SPTBN2: variants seen among roughly 807,000 people sequenced by gnomAD.
The protein encoded by SPTBN2 is spectrin beta, non-erythrocytic 2.
A neutral mutation model predicts 284.2 loss-of-function variants in SPTBN2; 107 were observed. The ratio of observed to expected loss-of-function variants is 0.38; its 90% CI spans 0.32 to 0.44. SPTBN2 has a LOEUF of 0.44. Among genes scored for constraint, SPTBN2 ranks in the 20% least tolerant of loss-of-function variants. The pLI, the probability that SPTBN2 is intolerant of heterozygous loss-of-function variation, is 1.00. For synonymous variants in SPTBN2, 1,289 were observed against 1,354.8 expected, an observed-to-expected ratio of 0.95 and a Z score of 1.07; for missense variants, 2,569 against 3,287.1, an observed-to-expected ratio of 0.78 and a Z score of 5.34.
At position 66,707,803 on chromosome 11, in the gene SPTBN2, C is replaced by G; in HGVS notation, c.1366G>C (p.Glu456Gln). The G allele has an allele frequency of 6.2e-7, 1 of 1,609,510 alleles. No homozygotes were observed. The highest frequency in any genetic ancestry group is 2.2e-5 in the East Asian group (1 of 44,872). Residue 456 changes from glutamate to glutamine, a missense_variant, in exon 13 of 38, where the codon GAG becomes CAG. Glu to Gln is a conservative substitution (Grantham distance 29). Coordinates refer to ENST00000533211, the MANE Select transcript of SPTBN2 (RefSeq NM_006946.4). This position sits in a 1 kb window ranked among gnomAD's most constrained non-coding sequence, Gnocchi z 4.9. ...ACTGCTGCCTCGACAGCTGCCAGCT[C>G]CAGCCCAAAGTTGTCCTGTGTCGGG... Reference protein sequence around the residue: ...RLVSQDNFGLELAAVEAAVRK... With the variant: ...RLVSQDNFGLQLAAVEAAVRK...
chr11:66,707,037 T>C lies in SPTBN2; in HGVS notation c.1653+479A>G, dbSNP rs1590952102. 4.6e-5 allele frequency among the ~76,000 whole-genome samples: 7 copies of C among 152,318 alleles called. 1 individual carries two copies. The South Asian group carries it at 1.5e-3, about 32-fold the overall frequency. ...CTGGCCGTGCCCTCCCAAATCTCAG[T>C]CCATGGCCCCCACTCCTCATGCTCA... On this transcript the variant is annotated intron_variant, in intron 13 of 37. Coordinates refer to ENST00000533211, the MANE Select transcript of SPTBN2 (RefSeq NM_006946.4). The surrounding 1 kb of genome is among the most constrained non-coding windows in gnomAD (Gnocchi z 4.9).
intron 8 of SPTBN2, chr11:66,712,724 A>T (rs1193281360): frequency 6.6e-6 from 1 of 152,036 alleles, no homozygotes; most frequent in Non-Finnish European, 1.5e-5. Context: ...AAAAATAGAG[A>T]TGGGTCTCGC....
At position 66,690,099 on chromosome 11, in the gene SPTBN2, C is replaced by T. The variant is rs778782856; in HGVS notation, c.5750G>A (p.Arg1917Gln). The change falls in exon 28 of 38, where the codon CGG becomes CAG. Residue 1917 changes from arginine (R) to glutamine (Q), a missense_variant. Physicochemically the swap from Arg to Gln is conservative, Grantham distance 43 (BLOSUM62 1). Coordinates refer to ENST00000533211, the MANE Select transcript of SPTBN2 (RefSeq NM_006946.4). ...TDKFRFFKAV[R>Q]ELMLWMDEVN... ...CTCATCCATCCAGAGCATCAGTTCC[C>T]GGACAGCCTTGAAGAAGCGGAACTT... is the stretch of plus-strand genomic sequence containing the variant. 9.9e-6 allele frequency: 16 copies of T among 1,614,146 alleles called. No individual in the cohort carries two copies. The highest frequency in any genetic ancestry group is 2.2e-5 in the East Asian group (1 of 44,898).
At chr11:66,734,456 C>T (rs913849537) in intron 1 of SPTBN2, among the ~76,000 whole-genome samples, 1 of 152,190 alleles carries the variant, frequency 6.6e-6, no homozygotes, top group Admixed American at 6.5e-5. Context: ...TGTGTCCTCA[C>T]CATAAGGAAC....
intron 20 of SPTBN2, among the ~76,000 whole-genome samples, chr11:66,697,584 A>C (rs1298080695): frequency 6.6e-6 from 1 of 152,120 alleles, no homozygotes; most frequent in East Asian, 1.9e-4. Flanking sequence ...CTCTACCTGG[A>C]AACATCTTTT....
At chr11:66,703,206 A>G (rs1489490595) in intron 15 of SPTBN2, among the ~76,000 whole-genome samples, 1 of 151,448 alleles carries the variant, frequency 6.6e-6, no homozygotes, top group African/African-American at 2.4e-5. Context: ...CAGCCTCCCC[A>G]GTAGCTGGGA....
rs1941837700 is a variant in SPTBN2, at chr11:66,711,103, G to A, written c.773-74C>T. ...ACTTGCATCACTTACCCCAAACCCT[G>A]GGCCTGCCCAGTCCTCCAAGGCTGA... On this transcript the variant is annotated intron_variant, in intron 8 of 37. Coordinates refer to ENST00000533211, the MANE Select transcript of SPTBN2 (RefSeq NM_006946.4). The A allele has an allele frequency of 2.5e-5, 31 of 1,246,106 alleles. No homozygotes were observed. The South Asian group carries it at 3.3e-4, about 13-fold the overall frequency. The allele number at this position is 1,246,106 out of a possible 1,614,324, so 77.2% of individuals were successfully genotyped here.
Position 66,692,654 on chromosome 11 carries a change from T to C in SPTBN2, c.5072A>G (p.Gln1691Arg). ...GAGCTGGCACAGCCGGAGGTGCTCCTGCAGGCGCTCCCGCCGCTCTCCAGC... is the reference window on the plus strand; with the variant it reads ...GAGCTGGCACAGCCGGAGGTGCTCCCGCAGGCGCTCCCGCCGCTCTCCAGC... The part of the protein sequence containing the change: ...ELAGERRERL[Q>R]EHLRLCQLRR... The change falls in exon 26 of 38, where the codon CAG becomes CGG. Residue 1691 changes from glutamine to arginine, a missense_variant. By Grantham distance (43) the Gln-to-Arg change is conservative. Transcript: ENST00000533211. 2 of 1,604,672 alleles carry C rather than the reference T, an allele frequency of 1.2e-6. No individual in the cohort carries two copies. The highest frequency in any genetic ancestry group is 1.7e-6 in the Non-Finnish European group (2 of 1,179,906).
chr11:66,714,006 C>T, intron 7 of SPTBN2, 85 bp downstream of exon 7: 1 of 1,367,914 alleles, frequency 7.3e-7, no homozygotes, highest in Non-Finnish European at 1.0e-6. Flanking sequence ...CTGTGCAGCT[C>T]ATCTCATCTC....
chr11:66,705,884 G>A (rs780074813), intron 13 of SPTBN2, 47 bp from the exon 14 acceptor site: 7 of 1,593,810 alleles, frequency 4.4e-6, no homozygotes, highest in East Asian at 4.5e-5. Flanking sequence ...GCACAGACGC[G>A]CTAACCTGGC....
At position 66,690,079 on chromosome 11, in the gene SPTBN2, C is replaced by T; in HGVS notation, c.5770G>A (p.Asp1924Asn). 6.2e-7 allele frequency: 1 copy of T among 1,614,266 alleles called. No homozygotes were observed. Among genetic ancestry groups the T allele is most frequent in the Non-Finnish European group, 8.5e-7 (1 of 1,180,056 alleles). ...KAVRELMLWM[D>N]EVNLQMDAQE... ...GCATCCATCTGCAGGTTGACCTCAT[C>T]CATCCAGAGCATCAGTTCCCGGACA... Residue 1924 changes from aspartate to asparagine, a missense_variant, in exon 28 of 38, where the codon GAT becomes AAT. Coordinates refer to ENST00000533211, the MANE Select transcript of SPTBN2 (RefSeq NM_006946.4).
In SPTBN2 at chr11:66,693,299, CT is replaced by C; in HGVS notation, c.4740del (p.Lys1582SerfsTer30). On this transcript the variant is annotated frameshift_variant, in exon 24 of 38. Transcript: ENST00000533211. LOFTEE classifies it high-confidence loss of function. The surrounding 1 kb of genome is among the most constrained non-coding windows in gnomAD (Gnocchi z 5.7). ...WKRLGHELEL[R>X]GKRLEDALRA... is the part of the protein sequence containing the mutation. Reference sequence around the variant, plus strand: ...CGCAGGGCATCCTCCAGTCGCTTCCCTCGAAGTTCCAGCTCGTGGCCCAGGC... The same window carrying C: ...CGCAGGGCATCCTCCAGTCGCTTCCCCGAAGTTCCAGCTCGTGGCCCAGGC... The C allele has an allele frequency of 6.2e-7, 1 of 1,613,460 alleles. No individual in the cohort carries two copies. Among genetic ancestry groups the C allele is most frequent in the Non-Finnish European group, 8.5e-7 (1 of 1,180,038 alleles).
chr11:66,687,832 C>CA lies in SPTBN2; in HGVS notation c.6501+35dup, dbSNP rs1940242136. On this transcript the variant is annotated intron_variant, in intron 34 of 37. Coordinates refer to ENST00000533211, the MANE Select transcript of SPTBN2 (RefSeq NM_006946.4). This position sits in a 1 kb window ranked among gnomAD's most constrained non-coding sequence, Gnocchi z 5.2. ...ACCACCCCCTCTGGACCCTTCGCCT[C>CA]ACAGTTATCAACACCACACTTGCAG... is the stretch of plus-strand genomic sequence containing the variant. The CA allele has an allele frequency of 6.2e-7, 1 of 1,613,946 alleles. No homozygotes were observed. The highest frequency in any genetic ancestry group is 1.3e-5 in the African/African-American group (1 of 75,052).
chr11:66,715,323 C>A lies in SPTBN2; in HGVS notation c.382G>T (p.Glu128Ter), dbSNP rs777128229. The A allele has an allele frequency of 6.2e-7, 1 of 1,614,230 alleles. No homozygotes were observed. Among genetic ancestry groups the A allele is most frequent in the South Asian group, 1.1e-5 (1 of 91,086 alleles). The change falls in exon 5 of 38, where the codon GAG becomes TAG. Residue 128 changes from glutamate (E) to a stop codon, truncating the protein, a stop_gained. Transcript: ENST00000533211. LOFTEE classifies it high-confidence loss of function. This position sits in a 1 kb window ranked among gnomAD's most constrained non-coding sequence, Gnocchi z 5.3. ...ATGTTTTCCAAGTGCACTTTCTGCT[C>A]CTTGAGGAACTGCAGTGCCTTGTCC... ...NVDKALQFLK[E>*]QKVHLENMGS... is the part of the protein sequence containing the mutation.
Position 66,684,506 on chromosome 11 carries a change from G to A in SPTBN2, c.*1365C>T, listed in dbSNP as rs1013458015. 1.3e-5 allele frequency among the ~76,000 whole-genome samples: 2 copies of A among 152,020 alleles called. No homozygotes were observed. The highest frequency in any genetic ancestry group is 4.8e-5 in the African/African-American group (2 of 41,372). On this transcript the variant is annotated 3_prime_UTR_variant, in exon 38 of 38. Coordinates refer to ENST00000533211, the MANE Select transcript of SPTBN2 (RefSeq NM_006946.4). The stretch of plus-strand genomic sequence containing the variant: ...CAGACTTAGTCGGGTATGATGGCAT[G>A]TGCCTGTGGTTCAGGCTACTCGGGA...
intron 3 of SPTBN2, among the ~76,000 whole-genome samples, chr11:66,716,792 C>T (rs893271682): frequency 1.3e-5 from 2 of 152,160 alleles, no homozygotes; most frequent in Non-Finnish European, 2.9e-5. Flanking sequence ...TGATCTGGCC[C>T]GAAGGAGAGC....
intron 1 of SPTBN2, among the ~76,000 whole-genome samples, chr11:66,740,596 A>T (rs1411993296): frequency 6.6e-6 from 1 of 152,148 alleles, no homozygotes; most frequent in Admixed American, 6.6e-5. Context: ...CAAGGATGTG[A>T]TTAGTGGAGA....
At position 66,691,407 on chromosome 11, in the gene SPTBN2, C is replaced by G. The variant is rs1304285970; in HGVS notation, c.5442G>C (p.Leu1814=). Residue 1814 remains leucine, a synonymous_variant, in exon 27 of 38, where the codon CTG becomes CTC. Transcript: ENST00000533211. This position sits in a 1 kb window ranked among gnomAD's most constrained non-coding sequence, Gnocchi z 8.0. The part of the protein sequence containing the change: ...QRFLHGARQA[L]ARVQHKQQQL... ...GCTGCTGCTTGTGCTGCACCCGCGC[C>G]AGGGCTTGGCGTGCCCCGTGCAGGA... The G allele has an allele frequency of 6.8e-6, 11 of 1,611,224 alleles. No individual in the cohort carries two copies. Among genetic ancestry groups the G allele is most frequent in the Non-Finnish European group, 9.3e-6 (11 of 1,178,608 alleles).
intron 21 of SPTBN2, among the ~76,000 whole-genome samples, chr11:66,694,666 C>T (rs1297743537): frequency 2.0e-5 from 3 of 152,216 alleles, no homozygotes; most frequent in South Asian, 2.1e-4. Context: ...CCCACACCCG[C>T]GAATCTAAAA....
Sources: allele counts gnomAD v4.1 joint callset (sites outside exome capture counted in the v4.1 genomes callset), GRCh38; gene constraint gnomAD v4.1.1; non-coding constraint Gnocchi (gnomAD v3.1); transcripts MANE v1.5; gene names NCBI Gene and HGNC (gene_info 2026-07-23, HGNC 2026-07-21).